Variants in POLR1C observed in about 807,000 individuals in gnomAD.
POLR1C encodes the protein DNA-directed RNA polymerases I and III subunit RPAC1.
In POLR1C, 42 loss-of-function variants were observed where a neutral mutation model predicts 38.3. That is an observed-to-expected ratio of 1.10 (90% CI 0.86 to 1.42). POLR1C has a LOEUF of 1.42. POLR1C is among the 40% of genes most tolerant of loss of function. The pLI is 0.00. For missense variants in POLR1C, 507 were observed against 450.5 expected, an observed-to-expected ratio of 1.13 and a Z score of -1.14; for synonymous variants, 163 against 163.9, an observed-to-expected ratio of 0.99 and a Z score of 0.04.
downstream of POLR1C, chr6:43,534,086 T>TA: frequency 1.8e-6 from 2 of 1,094,040 alleles, no homozygotes; most frequent in South Asian, 1.2e-5. Flanking sequence ...AATCCAGTGA[T>TA]ACTACAGTTT....
rs532631004 is a variant in POLR1C, at chr6:43,529,184, A to G, written c.923-65A>G. The stretch of plus-strand genomic sequence containing the variant: ...GGTCACTGGCCCAAAAAGTAGGAAT[A>G]AAAAAATAGGAAGGAGGACATCCTT... On this transcript the variant is annotated intron_variant, in intron 8 of 8. Transcript: ENST00000304004. The G allele has an allele frequency of 1.4e-4, 210 of 1,459,976 alleles. No homozygotes were observed. In the African/African-American group the frequency reaches 2.7e-3, roughly 18 times the overall value. The allele number at this position is 1,459,976 out of a possible 1,614,324, so 90.4% of individuals were successfully genotyped here.
chr6:43,552,096 T>C (rs750521203), intron 10 of POLR1C, among the ~76,000 whole-genome samples: 4 of 152,174 alleles, frequency 2.6e-5, no homozygotes, highest in Non-Finnish European at 4.4e-5. Flanking sequence ...TATATATCAC[T>C]CTTGGTTGCC....
At chr6:43,557,259 T>C (rs1762143328) in intron 10 of POLR1C, among the ~76,000 whole-genome samples, 1 of 151,890 alleles carries the variant, frequency 6.6e-6, no homozygotes, top group Non-Finnish European at 1.5e-5. Flanking sequence ...ACCCTGTCTC[T>C]ACTAAAAACA....
At chr6:43,532,018 A>C (rs142610062), downstream of POLR1C, among the ~76,000 whole-genome samples, 743 of 152,260 alleles carry the variant, frequency 4.9e-3, 5 homozygotes, top group African/African-American at 0.016. Flanking sequence ...GTGTAATCAG[A>C]GGTTTTACAT....
intron 9 of POLR1C, chr6:43,539,674 C>T (rs1251625218): frequency 4.1e-6 from 4 of 983,830 alleles, no homozygotes; most frequent in Admixed American, 2.3e-5. Flanking sequence ...GGCCTCCAGG[C>T]CCCCCCACTG....
intron 10 of POLR1C, among the ~76,000 whole-genome samples, chr6:43,552,112 C>A (rs1795256177): frequency 6.6e-6 from 1 of 152,154 alleles, no homozygotes; most frequent in Non-Finnish European, 1.5e-5. Flanking sequence ...TTGCCCAGTG[C>A]AATGGCACGA....
At chr6:43,529,909 CAAAAA>C (rs1191727799), downstream of POLR1C, among the ~76,000 whole-genome samples, 1 of 97,556 alleles carries the variant, frequency 1.0e-5, no homozygotes. Context: ...GACCCTGTCT[CAAAAA>C]AAAAAAAAAA....
chr6:43,556,426 G>A (rs1762091589), intron 10 of POLR1C, among the ~76,000 whole-genome samples: 1 of 151,568 alleles, frequency 6.6e-6, no homozygotes, highest in Non-Finnish European at 1.5e-5. Flanking sequence ...TTGGGAGAGT[G>A]AGGTAGGAGG....
At chr6:43,553,886 TA>T (rs200541439) in intron 10 of POLR1C, among the ~76,000 whole-genome samples, 2,846 of 152,286 alleles carry the variant, frequency 0.019, 35 homozygotes, top group South Asian at 0.039. Flanking sequence ...TCCCCCTTTA[TA>T]ATCTTTTCCA....
At chr6:43,534,560 G>C (rs1794196597), downstream of POLR1C, among the ~76,000 whole-genome samples, 1 of 152,194 alleles carries the variant, frequency 6.6e-6, no homozygotes, top group African/African-American at 2.4e-5. Context: ...CTGTGAACTT[G>C]ATATACCCGC....
downstream of POLR1C, chr6:43,533,778 T>G: frequency 1.1e-5 from 6 of 537,894 alleles, no homozygotes; most frequent in East Asian, 4.4e-5. Flanking sequence ...GAGCCTACAG[T>G]GAGCTATGGT....
intron 3 of POLR1C, 103 bp from the exon 4 acceptor site, chr6:43,519,603 C>G (rs1355899850): frequency 2.6e-6 from 4 of 1,530,940 alleles, no homozygotes; most frequent in Non-Finnish European, 3.6e-6. Flanking sequence ...ATTAAACATT[C>G]TAGGAAGAGA....
chr6:43,548,231 GT>G, intron 9 of POLR1C: 2 of 1,551,594 alleles, frequency 1.3e-6, no homozygotes, highest in Non-Finnish European at 1.7e-6. Context: ...CTTGAGTATA[GT>G]AAGAGTCAGG....
downstream of POLR1C, among the ~76,000 whole-genome samples, chr6:43,532,663 G>C (rs75829468): frequency 0.033 from 4,991 of 152,162 alleles, 266 homozygotes; most frequent in African/African-American, 0.11. Context: ...TAGCTAGTTC[G>C]TACTCATCCT....
rs921596766 is a variant in POLR1C at position 43,521,199 on chromosome 6, G to A, written c.940G>A (p.Gly314Arg). ...GTCCCCAGTCTCTGTTGAGTCAACGGGGGTGTTGCCACCAGATGTGCTGGT... is the reference window on the plus strand; with the variant it reads ...GTCCCCAGTCTCTGTTGAGTCAACGAGGGTGTTGCCACCAGATGTGCTGGT... ...DHYIFSVEST[G>R]VLPPDVLVSE... Residue 314 changes from glycine to arginine, a missense_variant, in exon 9 of 9, where the codon GGG becomes AGG. Coordinates refer to ENST00000642195, the MANE Select transcript of POLR1C (RefSeq NM_203290.4). 6.2e-7 allele frequency: 1 copy of A among 1,614,104 alleles called. No homozygotes were observed. The highest frequency in any genetic ancestry group is 2.2e-5 in the East Asian group (1 of 44,872).
At chr6:43,532,623 A>G (rs1047739821), downstream of POLR1C, among the ~76,000 whole-genome samples, 5 of 152,222 alleles carry the variant, frequency 3.3e-5, no homozygotes, top group Middle Eastern at 3.4e-3. Context: ...GTTTGTCCAG[A>G]ATGCCCAGCA....
intron 8 of POLR1C, chr6:43,528,350 AGGTT>A: frequency 2.7e-6 from 2 of 754,070 alleles, no homozygotes; most frequent in Admixed American, 5.4e-5. Context: ...CCACACCACA[AGGTT>A]AAAAAAAACA....
chr6:43,520,628 A>G lies in POLR1C; in HGVS notation c.659A>G (p.Lys220Arg). The G allele has an allele frequency of 1.2e-6, 2 of 1,614,158 alleles. No homozygotes were observed. The highest frequency in any genetic ancestry group is 1.7e-6 in the Non-Finnish European group (2 of 1,180,014). Residue 220 changes from lysine to arginine, a missense_variant, in exon 7 of 9, where the codon AAA (lysine) becomes AGA (arginine). Physicochemically the swap from Lys to Arg is conservative, Grantham distance 26 (BLOSUM62 2). Transcript: ENST00000642195. ...LLMHCVKGIGKDHAKFSPVAT... is the reference protein window; with the variant it reads ...LLMHCVKGIGRDHAKFSPVAT... ...CACGTTCCCTCTTCCTCTCCAGGCAAAGATCATGCCAAGTTTTCACCAGTG... is the reference window on the plus strand; with the variant it reads ...CACGTTCCCTCTTCCTCTCCAGGCAGAGATCATGCCAAGTTTTCACCAGTG...
intron 9 of POLR1C, chr6:43,546,861 A>G: frequency 1.8e-6 from 2 of 1,086,104 alleles, no homozygotes; most frequent in Non-Finnish European, 2.6e-6. Flanking sequence ...GAGGCCAGAG[A>G]GAATGAAATA....
Sources: gnomAD v4.1 joint callset for allele counts (sites outside exome capture counted in the v4.1 genomes callset) on GRCh38, gnomAD v4.1.1 for gene constraint, MANE v1.5 for transcripts, NCBI Gene and HGNC (gene_info 2026-07-23, HGNC 2026-07-21) for gene names.